The following FAT3 variants were observed in gnomAD, a reference collection of about 807,000 sequenced individuals.
The protein encoded by FAT3 is protocadherin Fat 3.
A neutral mutation model predicts 310.2 loss-of-function variants in FAT3; 95 were observed. The ratio of observed to expected loss-of-function variants is 0.31; its 90% confidence interval spans 0.26 to 0.36. The LOEUF (loss-of-function observed/expected upper bound fraction) is 0.36. Among genes scored for constraint, FAT3 ranks in the 10% least tolerant of loss-of-function variants. The probability of loss-of-function intolerance (pLI) is 1.00; values close to 1 mark genes in which losing one functional copy is unlikely to be tolerated. For synonymous variants in FAT3, 2,314 were observed against 2,192.9 expected (o/e 1.06, Z -1.54); for missense variants, 5,408 against 5,715.6 (o/e 0.95, Z 1.74).
intron 1 of FAT3, among the ~76,000 whole-genome samples, chr11:92,229,507 G>GTTTTTTTTTTTTTTT (rs1565339350): frequency 3.4e-5 from 2 of 58,160 alleles, no homozygotes; most frequent in African/African-American, 1.3e-4. Flanking sequence ...TTTTTTTTTT[G>GTTTTTTTTTTTTTTT]TTTTTTGTTT....
intron 3 of FAT3, among the ~76,000 whole-genome samples, chr11:92,687,428 C>T (rs1199659375): frequency 6.6e-6 from 1 of 152,172 alleles, no homozygotes; most frequent in Non-Finnish European, 1.5e-5. Context: ...CACAACTTCT[C>T]TGTCAGATTC....
At chr11:92,395,688 C>T (rs1230711281) in intron 2 of FAT3, among the ~76,000 whole-genome samples, 11 of 151,908 alleles carry the variant, frequency 7.2e-5, no homozygotes, top group Admixed American at 6.6e-4. Flanking sequence ...AAGCTATTCT[C>T]CTGCCTCACC....
At chr11:92,232,592 A>G (rs1317829424) in intron 1 of FAT3, among the ~76,000 whole-genome samples, 1 of 108,156 alleles carries the variant, frequency 9.2e-6, no homozygotes, top group South Asian at 2.8e-4. Flanking sequence ...GAACTTGACC[A>G]TTTGTCATTT....
At chr11:92,766,226 C>T (rs1946305964) in intron 6 of FAT3, among the ~76,000 whole-genome samples, 4 of 152,148 alleles carry the variant, frequency 2.6e-5, no homozygotes. Context: ...GAAATGAGTG[C>T]CGAGGACCAG....
At chr11:92,467,104 G>A in intron 2 of FAT3, among the ~76,000 whole-genome samples, 1 of 152,084 alleles carries the variant, frequency 6.6e-6, no homozygotes, top group Non-Finnish European at 1.5e-5. Flanking sequence ...CCAGTAATGG[G>A]ATGGCTGGGT....
At chr11:92,578,646 C>T (rs926144941) in intron 3 of FAT3, among the ~76,000 whole-genome samples, 2 of 152,068 alleles carry the variant, frequency 1.3e-5, no homozygotes, top group African/African-American at 4.8e-5. Context: ...CATTAGGCAG[C>T]GAAGAGCGTG....
intron 3 of FAT3, among the ~76,000 whole-genome samples, chr11:92,584,198 A>G (rs1000446700): frequency 6.6e-6 from 1 of 151,936 alleles, no homozygotes; most frequent in African/African-American, 2.4e-5. Context: ...TATGTGTTTG[A>G]GATCAGGTGC....
chr11:92,315,512 TAGAGAG>T (rs374021850), intron 1 of FAT3, among the ~76,000 whole-genome samples: 2,370 of 55,504 alleles, frequency 0.043, 65 homozygotes, highest in Non-Finnish European at 0.055. Context: ...TATATATATA[TAGAGAG>T]AGAGAGAGAG....
chr11:92,698,600 A>T (rs913082903), intron 4 of FAT3, among the ~76,000 whole-genome samples: 4 of 152,144 alleles, frequency 2.6e-5, no homozygotes, highest in African/African-American at 9.7e-5. Context: ...GATTATTATT[A>T]TTATTATCAT....
chr11:92,306,335 T>C (rs1947114038), intron 1 of FAT3, among the ~76,000 whole-genome samples: 2 of 150,718 alleles, frequency 1.3e-5, no homozygotes, highest in South Asian at 4.2e-4. Flanking sequence ...GGGGGTGCTC[T>C]TAGTAGAGTC....
At chr11:92,703,950 T>C (rs1293619861) in intron 4 of FAT3, among the ~76,000 whole-genome samples, 1 of 152,184 alleles carries the variant, frequency 6.6e-6, no homozygotes, top group Non-Finnish European at 1.5e-5. Flanking sequence ...GTTATATAGA[T>C]ACAGAAACTG....
intron 4 of FAT3, among the ~76,000 whole-genome samples, chr11:92,753,251 C>T (rs1945876380): frequency 1.3e-5 from 2 of 152,178 alleles, no homozygotes; most frequent in Non-Finnish European, 2.9e-5. Context: ...AGCTAATAGC[C>T]ATCATCAACC....
intron 9 of FAT3, 87 bp downstream of exon 9, chr11:92,793,064 A>C: frequency 1.5e-6 from 2 of 1,368,958 alleles, no homozygotes; most frequent in Non-Finnish European, 2.0e-6. Flanking sequence ...AATTCAGATC[A>C]TTAACAGTGG....
At position 92,297,193 on chromosome 11, in the gene FAT3, C is replaced by A. The variant is rs555805629; in HGVS notation, c.-17-54903C>A. ...TCTTTCATGAAGCCCTCCTTAAATT[C>A]CTGTTCTCCTCCAGTCAGCTTCAAG... On this transcript the variant is annotated intron_variant, in intron 1 of 27. Transcript: ENST00000525166. Among the ~76,000 whole-genome samples the A allele has an allele frequency of 5.9e-5, 9 of 152,182 alleles. No homozygotes were observed. In the South Asian group the frequency reaches 1.9e-3, roughly 32 times the overall value.
At chr11:92,817,204 G>A (rs1947847269) in intron 13 of FAT3, among the ~76,000 whole-genome samples, 1 of 152,106 alleles carries the variant, frequency 6.6e-6, no homozygotes, top group Admixed American at 6.6e-5. Flanking sequence ...TCAGGGTGAG[G>A]GGAAAGGTGA....
intron 4 of FAT3, among the ~76,000 whole-genome samples, chr11:92,712,101 A>G (rs1316503523): frequency 2.0e-5 from 3 of 152,194 alleles, no homozygotes; most frequent in Non-Finnish European, 4.4e-5. Context: ...GACAAATTGT[A>G]GTGTAAAAAG....
chr11:92,432,078 T>C (rs1383100973), intron 2 of FAT3, among the ~76,000 whole-genome samples: 1 of 152,192 alleles, frequency 6.6e-6, no homozygotes, highest in East Asian at 1.9e-4. Context: ...AATCTATAAA[T>C]TACCTTGGGC....
chr11:92,693,022 G>A (rs1180736083), intron 3 of FAT3, among the ~76,000 whole-genome samples: 2 of 152,130 alleles, frequency 1.3e-5, no homozygotes, highest in Non-Finnish European at 2.9e-5. Context: ...TTTGAATTCT[G>A]TTTGGAACAG....
chr11:92,371,643 G>A (rs1949190215), intron 2 of FAT3, among the ~76,000 whole-genome samples: 1 of 152,186 alleles, frequency 6.6e-6, no homozygotes, highest in African/African-American at 2.4e-5. Context: ...CTTGAACCCT[G>A]GAGGTGGAGG....
Sources: gnomAD v4.1 joint callset for allele counts (sites outside exome capture counted in the v4.1 genomes callset) on GRCh38, gnomAD v4.1.1 for gene constraint, MANE v1.5 for transcripts, NCBI Gene and HGNC (gene_info 2026-07-23, HGNC 2026-07-21) for gene names.